The following NBEA variants were observed in gnomAD, a reference collection of about 807,000 sequenced individuals.
NBEA encodes the protein neurobeachin.
Under a neutral mutation model 343.4 loss-of-function variants are expected in NBEA, and 44 were observed. That is an observed-to-expected ratio of 0.13 (90% CI 0.10 to 0.16). The LOEUF (loss-of-function observed/expected upper bound fraction) is 0.16, where lower values mean the gene tolerates loss of function less well. Ranked by LOEUF, NBEA falls within the 10% of genes least tolerant of loss-of-function variation. The pLI, the probability that NBEA is intolerant of heterozygous loss-of-function variation, is 1.00. For missense variants in NBEA, 2,555 were observed against 3,631.3 expected (o/e 0.70, Z 7.62); for synonymous variants, 1,175 against 1,238.7 (o/e 0.95, Z 1.08).
intron 41 of NBEA, among the ~76,000 whole-genome samples, chr13:35,481,792 A>G (rs940625076): frequency 2.0e-5 from 3 of 151,998 alleles, no homozygotes; most frequent in Non-Finnish European, 4.4e-5. Flanking sequence ...AACCTACAAC[A>G]TATACACAAA....
At chr13:35,130,034 G>T (rs1254487647) in intron 17 of NBEA, among the ~76,000 whole-genome samples, 1 of 152,078 alleles carries the variant, frequency 6.6e-6, no homozygotes, top group African/African-American at 2.4e-5. Flanking sequence ...TTTAAAAAAT[G>T]CTGTCTGTTA....
At chr13:35,080,136 T>C (rs1189909228) in intron 10 of NBEA, among the ~76,000 whole-genome samples, 1 of 152,172 alleles carries the variant, frequency 6.6e-6, no homozygotes, top group African/African-American at 2.4e-5. Context: ...CTTCAAATTA[T>C]TTTGTCAAGA....
chr13:34,964,579 T>G (rs955838718), intron 1 of NBEA, among the ~76,000 whole-genome samples: 1 of 152,004 alleles, frequency 6.6e-6, no homozygotes, highest in Non-Finnish European at 1.5e-5. Context: ...AATTCAAGGT[T>G]TGTTTGTTTC....
intron 41 of NBEA, among the ~76,000 whole-genome samples, chr13:35,548,518 A>G (rs1300786843): frequency 6.6e-6 from 1 of 152,178 alleles, no homozygotes; most frequent in Non-Finnish European, 1.5e-5. Flanking sequence ...TGCTATGGGT[A>G]TAAGGGTGCC....
chr13:35,070,526 T>C (rs2063824554), intron 9 of NBEA, among the ~76,000 whole-genome samples, 193 bp from the exon 10 acceptor site: 1 of 152,084 alleles, frequency 6.6e-6, no homozygotes, highest in African/African-American at 2.4e-5. Flanking sequence ...TGCCTCAACC[T>C]AAGATTTGAA....
At position 34,989,906 on chromosome 13, in the gene NBEA, G is replaced by C. The variant is rs553688428; in HGVS notation, c.294+46792G>C. Among the ~76,000 whole-genome samples, 10 of 150,886 alleles carry C rather than the reference G, an allele frequency of 6.6e-5. 1 individual carries two copies. Among genetic ancestry groups the C allele is most frequent in the Non-Finnish European group, 1.2e-4 (8 of 67,426 alleles). ...GTTCCCATTCCAAAAGGGAGAAATC[G>C]GCCAAAACAAAGGGGTTACAGACCC... On this transcript the variant is annotated intron_variant, in intron 1 of 58. Transcript: ENST00000379939.
intron 34 of NBEA, among the ~76,000 whole-genome samples, chr13:35,241,385 AC>A (rs1052005438): frequency 1.1e-4 from 17 of 151,854 alleles, no homozygotes; most frequent in African/African-American, 4.1e-4. Context: ...AAAAGACAAA[AC>A]AAAGTGGATC....
At chr13:34,977,760 A>G (rs1221904852) in intron 1 of NBEA, among the ~76,000 whole-genome samples, 1 of 152,212 alleles carries the variant, frequency 6.6e-6, no homozygotes, top group African/African-American at 2.4e-5. Context: ...TGCACCTGCC[A>G]TACACTAGGC....
intron 38 of NBEA, among the ~76,000 whole-genome samples, chr13:35,408,359 C>T (rs2043391781): frequency 1.3e-5 from 2 of 152,110 alleles, no homozygotes; most frequent in African/African-American, 4.8e-5. Context: ...CAAAAATAAA[C>T]TCAAGATGGA....
chr13:35,147,358 T>C (rs1241959566), intron 18 of NBEA, among the ~76,000 whole-genome samples: 3 of 152,248 alleles, frequency 2.0e-5, no homozygotes, highest in African/African-American at 7.2e-5. Flanking sequence ...AAGCCCAGAA[T>C]TCCTTCATGA....
At chr13:35,381,954 G>A (rs557136936) in intron 38 of NBEA, among the ~76,000 whole-genome samples, 1 of 152,012 alleles carries the variant, frequency 6.6e-6, no homozygotes, top group Admixed American at 6.5e-5. Context: ...TTTCTTAGTT[G>A]TAAAACTAAA....
chr13:35,649,747 C>G lies in NBEA; in HGVS notation c.7863C>G (p.Thr2621=), dbSNP rs760527098. Residue 2621 remains threonine, a synonymous_variant, in exon 52 of 59, where the codon ACC becomes ACG. Transcript: ENST00000379939. ...AGTTTCCTTCAAATTCTCCAGTAAC[C>G]CATGTGGCAGCCAACACTCTGCCCC... is the stretch of plus-strand genomic sequence containing the variant. ...VLKFPSNSPV[T]HVAANTLPHL... 2.5e-5 allele frequency: 41 copies of G among 1,613,830 alleles called. No homozygotes were observed. The highest frequency in any genetic ancestry group is 3.0e-5 in the Non-Finnish European group (35 of 1,179,870).
At chr13:35,098,251 A>G in intron 10 of NBEA, 46 bp from the exon 11 acceptor site, 1 of 1,325,754 alleles carries the variant, frequency 7.5e-7, no homozygotes, top group Middle Eastern at 2.3e-4. Flanking sequence ...ACTGTTTATA[A>G]TAAACATGTG....
intron 38 of NBEA, among the ~76,000 whole-genome samples, chr13:35,422,236 A>G (rs28766066): frequency 0.98 from 147,500 of 150,648 alleles, 72,291 homozygotes; most frequent in East Asian, 1. Flanking sequence ...CCATGTTGGT[A>G]TGCTGCACCC....
In NBEA at chr13:35,646,571, T is replaced by G. The variant is rs144239648; in HGVS notation, c.7770+223T>G. On this transcript the variant is annotated intron_variant, in intron 51 of 58. Coordinates refer to ENST00000379939, the MANE Select transcript of NBEA (RefSeq NM_001385012.1). Reference sequence around the variant, plus strand: ...TGTCCCACTTTTGGATTCACAAAAATAGCCATCTTCTCTATGTATGACTCT... The same window carrying G: ...TGTCCCACTTTTGGATTCACAAAAAGAGCCATCTTCTCTATGTATGACTCT... 4.2e-3 allele frequency among the ~76,000 whole-genome samples: 647 copies of G among 152,330 alleles called. 5 individuals are homozygous for G. Among genetic ancestry groups the G allele is most frequent in the African/African-American group, 0.015 (618 of 41,572 alleles).
chr13:34,942,972 C>G lies in NBEA; in HGVS notation c.152C>G (p.Ser51Cys). 2 of 1,604,110 alleles carry G rather than the reference C, an allele frequency of 1.2e-6. No individual in the cohort carries two copies. The highest frequency in any genetic ancestry group is 1.8e-4 in the Middle Eastern group (1 of 5,628). Reference sequence around the variant, plus strand: ...GGGGAGCTAAGGGGGGCGTCCGGCTCCGGCTCGGTGATGCTCCCCGCGGGG... The same window carrying G: ...GGGGAGCTAAGGGGGGCGTCCGGCTGCGGCTCGGTGATGCTCCCCGCGGGG... ...GMGELRGASG[S>C]GSVMLPAGMI... Residue 51 changes from serine to cysteine, a missense_variant, in exon 1 of 59, where the codon TCC becomes TGC. Around this residue, in one of 21 missense-constraint regions of NBEA, gnomAD observed 122 missense variants for 91.0 expected, o/e 1.34. Coordinates refer to ENST00000379939, the MANE Select transcript of NBEA (RefSeq NM_001385012.1).
At chr13:35,471,905 AC>A (rs1368898444) in intron 40 of NBEA, among the ~76,000 whole-genome samples, 1 of 152,058 alleles carries the variant, frequency 6.6e-6, no homozygotes, top group East Asian at 1.9e-4. Context: ...CAAGAGGCAA[AC>A]CGCTCTGAAC....
chr13:35,145,684 A>C (rs747781589), intron 18 of NBEA, among the ~76,000 whole-genome samples: 12 of 152,234 alleles, frequency 7.9e-5, no homozygotes, highest in Non-Finnish European at 1.3e-4. Context: ...GTGACAGTCA[A>C]GGCATAAAGG....
chr13:35,118,860 T>C (rs2066641284), intron 16 of NBEA, among the ~76,000 whole-genome samples: 1 of 151,898 alleles, frequency 6.6e-6, no homozygotes, highest in Non-Finnish European at 1.5e-5. Context: ...GTAATAACTT[T>C]AGTGGTTTTT....
Sources: allele counts gnomAD v4.1 joint callset (sites outside exome capture counted in the v4.1 genomes callset), GRCh38; gene constraint gnomAD v4.1.1; regional missense constraint gnomAD v4.1.1; transcripts MANE v1.5; gene names NCBI Gene and HGNC (gene_info 2026-07-23, HGNC 2026-07-21).